ZGRF1: variants seen among roughly 807,000 people sequenced by gnomAD.
ZGRF1 encodes the protein 5'-3' DNA helicase ZGRF1.
A neutral mutation model predicts 203.5 loss-of-function variants in ZGRF1; 196 were observed. The ratio of observed to expected loss-of-function variants is 0.96; its 90% confidence interval spans 0.86 to 1.08. The LOEUF is 1.08. Among genes scored for constraint, ZGRF1 ranks in the 50% least tolerant of loss-of-function variants. The pLI is 0.00. For missense variants in ZGRF1, 2,326 were observed against 2,416.3 expected, an observed-to-expected ratio of 0.96 and a Z score of 0.78; for synonymous variants, 809 against 841.3, an observed-to-expected ratio of 0.96 and a Z score of 0.66.
At chr4:112,590,881 C>T (rs556438943) in intron 10 of ZGRF1, among the ~76,000 whole-genome samples, 34 of 148,938 alleles carry the variant, frequency 2.3e-4, no homozygotes, top group Admixed American at 6.8e-4. Flanking sequence ...GCCGAGATCA[C>T]GCCATTACAC....
At chr4:112,571,451 A>T (rs1395646704) in intron 16 of ZGRF1, among the ~76,000 whole-genome samples, 1 of 152,250 alleles carries the variant, frequency 6.6e-6, no homozygotes, top group East Asian at 1.9e-4. Flanking sequence ...AGATAAAAAT[A>T]TTCAAAACTT....
At chr4:112,633,061 A>C in intron 2 of ZGRF1, 95 bp downstream of exon 2, 1 of 1,143,404 alleles carries the variant, frequency 8.7e-7, no homozygotes, top group Non-Finnish European at 1.3e-6. Context: ...TTTTTGCTAA[A>C]TCTGGCAACA....
intron 3 of ZGRF1, among the ~76,000 whole-genome samples, chr4:112,628,043 T>C (rs1478050440): frequency 6.6e-6 from 1 of 152,186 alleles, no homozygotes; most frequent in African/African-American, 2.4e-5. Flanking sequence ...AATATATATA[T>C]ATGCTTCATC....
At chr4:112,601,668 G>A (rs951129706) in intron 10 of ZGRF1, among the ~76,000 whole-genome samples, 2 of 151,632 alleles carry the variant, frequency 1.3e-5, no homozygotes, top group African/African-American at 4.8e-5. Context: ...AGTCCAAGAA[G>A]TTGAGGCTGC....
At chr4:112,601,316 G>A (rs547896163) in intron 10 of ZGRF1, among the ~76,000 whole-genome samples, 18 of 152,020 alleles carry the variant, frequency 1.2e-4, no homozygotes, top group Non-Finnish European at 1.6e-4. Context: ...TTGGGAGGCC[G>A]AGGCAGGCAG....
At chr4:112,548,537 T>C (rs1739281606) in intron 22 of ZGRF1, among the ~76,000 whole-genome samples, 157 bp from the exon 23 acceptor site, 1 of 152,092 alleles carries the variant, frequency 6.6e-6, no homozygotes, top group African/African-American at 2.4e-5. Flanking sequence ...TCCAAATTTT[T>C]ATTATTCCTA....
chr4:112,605,108 C>G (rs952964063), intron 9 of ZGRF1, among the ~76,000 whole-genome samples: 16 of 151,776 alleles, frequency 1.1e-4, no homozygotes, highest in Admixed American at 3.3e-4. Context: ...TCTGCTTCTG[C>G]TTTGTCTGAT....
intron 3 of ZGRF1, among the ~76,000 whole-genome samples, chr4:112,626,235 G>C (rs538241365): frequency 1.3e-5 from 2 of 152,178 alleles, no homozygotes; most frequent in Non-Finnish European, 2.9e-5. Flanking sequence ...GAATCGAAAA[G>C]TGTGTGAAGT....
At chr4:112,563,301 TAC>T in intron 16 of ZGRF1, 27 bp from the exon 17 acceptor site, 1 of 1,510,052 alleles carries the variant, frequency 6.6e-7, no homozygotes, top group Admixed American at 2.0e-5. Flanking sequence ...TTTTAAATAT[TAC>T]ACAGACATAT....
chr4:112,547,356 T>C lies in ZGRF1; in HGVS notation c.5527A>G (p.Thr1843Ala), dbSNP rs779330882. The C allele has an allele frequency of 1.3e-5, 21 of 1,613,328 alleles. No homozygotes were observed. The highest frequency in any genetic ancestry group is 1.4e-5 in the Non-Finnish European group (17 of 1,179,610). The change falls in exon 24 of 28, where the codon ACT becomes GCT. Residue 1843 changes from threonine (T) to alanine (A), a missense_variant. Physicochemically the swap from Thr to Ala is moderately conservative, Grantham distance 58 (BLOSUM62 0). Coordinates refer to ENST00000505019, the MANE Select transcript of ZGRF1 (RefSeq NM_018392.5). ...LVGDPKQLPP[T>A]IQGSDAAHEN... ...TGAGCTGCATCAGAACCCTGAATAG[T>C]AGGAGGTAGCTGTTTGGGATCCCCA...
chr4:112,585,482 A>T, intron 14 of ZGRF1, 59 bp downstream of exon 14: 2 of 1,401,472 alleles, frequency 1.4e-6, no homozygotes, highest in South Asian at 2.8e-5. Context: ...AGTAATAGGT[A>T]TCTAAACCCT....
At position 112,618,011 on chromosome 4, in the gene ZGRF1, T is replaced by C. The variant is rs1247975858; in HGVS notation, c.2031A>G (p.Leu677=). The C allele has an allele frequency of 1.2e-6, 2 of 1,612,716 alleles. No homozygotes were observed. Among genetic ancestry groups the C allele is most frequent in the Admixed American group, 3.3e-5 (2 of 59,928 alleles). The change falls in exon 6 of 28, where the codon TTA becomes TTG. Residue 677 remains leucine (L), a synonymous_variant. Transcript: ENST00000505019. ...TTATACCTTTAGATTTATTCGGGGGTAAAGCAAAATCATAGTTAATTCTGA... is the reference window on the plus strand; with the variant it reads ...TTATACCTTTAGATTTATTCGGGGGCAAAGCAAAATCATAGTTAATTCTGA... ...QEVRINYDFA[L]PPNKSKGINM...
At chr4:112,599,593 G>A (rs538070796) in intron 10 of ZGRF1, among the ~76,000 whole-genome samples, 2 of 151,876 alleles carry the variant, frequency 1.3e-5, no homozygotes, top group South Asian at 2.1e-4. Flanking sequence ...ATGGTGGTGT[G>A]TGCCTACAGT....
chr4:112,564,982 T>C (rs1233427740), intron 16 of ZGRF1: 7 of 867,966 alleles, frequency 8.1e-6, no homozygotes, highest in South Asian at 2.6e-5. Context: ...AGGAGGTCTC[T>C]GTACCATGGC....
chr4:112,612,488 A>C, intron 7 of ZGRF1, 36 bp downstream of exon 7: 1 of 1,346,482 alleles, frequency 7.4e-7, no homozygotes, highest in South Asian at 1.2e-5. Flanking sequence ...TCTTATCAAA[A>C]TAAAAAAAAC....
At chr4:112,613,339 T>G (rs1284190141) in intron 6 of ZGRF1, among the ~76,000 whole-genome samples, 1 of 152,140 alleles carries the variant, frequency 6.6e-6, no homozygotes, top group Non-Finnish European at 1.5e-5. Flanking sequence ...TAGTCTATCT[T>G]AAATCCATTT....
chr4:112,563,144 A>T lies in ZGRF1; in HGVS notation c.4569T>A (p.Asn1523Lys). 6.5e-7 allele frequency: 1 copy of T among 1,549,362 alleles called. No homozygotes were observed. Among genetic ancestry groups the T allele is most frequent in the Non-Finnish European group, 8.7e-7 (1 of 1,145,576 alleles). Residue 1523 changes from asparagine to lysine, a missense_variant, in exon 17 of 28, where the codon AAT (asparagine) becomes AAA (lysine). Physicochemically the swap from Asn to Lys is moderately conservative, Grantham distance 94 (BLOSUM62 0). Coordinates refer to ENST00000505019, the MANE Select transcript of ZGRF1 (RefSeq NM_018392.5). ...AGTAATACTCACTGTTAGTGGGCCAATTAGAAGGGAAATAGCCTTTCAAAG... is the reference window on the plus strand; with the variant it reads ...AGTAATACTCACTGTTAGTGGGCCATTTAGAAGGGAAATAGCCTTTCAAAG... The part of the protein sequence containing the change: ...ILPLKGYFPS[N>K]WPTNMVVHAL...
Position 112,618,813 on chromosome 4 carries a change from T to A in ZGRF1, c.1229A>T (p.Asn410Ile). The A allele has an allele frequency of 6.2e-7, 1 of 1,612,618 alleles. No individual in the cohort carries two copies. Among genetic ancestry groups the A allele is most frequent in the South Asian group, 1.1e-5 (1 of 91,036 alleles). Residue 410 changes from asparagine to isoleucine, a missense_variant, in exon 6 of 28, where the codon AAT becomes ATT. Asn to Ile is a moderately radical substitution (Grantham distance 149). Transcript: ENST00000505019. ...QEVKLEIPSF[N>I]ESSSLQVTCS... ...AGTAACCTGTAAGCTACTGCTTTCATTGAATGAAGGAATTTCTAATTTTAC... is the reference window on the plus strand; with the variant it reads ...AGTAACCTGTAAGCTACTGCTTTCAATGAATGAAGGAATTTCTAATTTTAC...
At chr4:112,598,810 G>C (rs920813452) in intron 10 of ZGRF1, among the ~76,000 whole-genome samples, 2 of 152,040 alleles carry the variant, frequency 1.3e-5, no homozygotes, top group African/African-American at 2.4e-5. Context: ...CAACACTTTG[G>C]GGGGTCAAGG....
Sources: allele counts gnomAD v4.1 joint callset (sites outside exome capture counted in the v4.1 genomes callset), GRCh38; gene constraint gnomAD v4.1.1; transcripts MANE v1.5; gene names NCBI Gene and HGNC (gene_info 2026-07-23, HGNC 2026-07-21).